SPSB1: variants seen among roughly 807,000 people sequenced by gnomAD.
SPSB1 encodes the protein splA/ryanodine receptor domain and SOCS box containing 1, also known as SPRY domain-containing SOCS box protein 1.
SPSB1 carries 8 observed loss-of-function variants against 21.2 expected under a neutral mutation model. That is an observed-to-expected ratio of 0.38 (90% confidence interval 0.22 to 0.68). SPSB1 has a LOEUF of 0.68. Among genes scored for constraint, SPSB1 ranks in the 30% least tolerant of loss-of-function variants. SPSB1 has a pLI of 0.53. For synonymous variants in SPSB1, 169 were observed against 161.7 expected (o/e 1.05, Z -0.34); for missense variants, 242 against 377.8 (o/e 0.64, Z 2.98).
chr1:9,352,997 T>C (rs1472772200), intron 1 of SPSB1, among the ~76,000 whole-genome samples: 2 of 152,022 alleles, frequency 1.3e-5, no homozygotes, highest in Non-Finnish European at 2.9e-5. Flanking sequence ...AAGCGTGACA[T>C]GAACTAACTC....
chr1:9,309,928 C>T (rs1489877126), intron 1 of SPSB1, among the ~76,000 whole-genome samples: 2 of 152,130 alleles, frequency 1.3e-5, no homozygotes, highest in Non-Finnish European at 2.9e-5. Context: ...ATTCAACTTC[C>T]TGGTCATTTT....
At chr1:9,311,766 T>C (rs925745153) in intron 1 of SPSB1, among the ~76,000 whole-genome samples, 4 of 151,920 alleles carry the variant, frequency 2.6e-5, no homozygotes, top group Non-Finnish European at 5.9e-5. Flanking sequence ...ATCTACCACG[T>C]TTTGTGTGTT....
intron 1 of SPSB1, among the ~76,000 whole-genome samples, chr1:9,330,557 TG>T (rs34817952): frequency 0.87 from 132,490 of 151,970 alleles, 57,900 homozygotes; most frequent in African/African-American, 0.91. Flanking sequence ...TCCTGCCAGC[TG>T]GACCTTGTGA....
At chr1:9,338,090 C>T (rs1461459549) in intron 1 of SPSB1, among the ~76,000 whole-genome samples, 4 of 152,186 alleles carry the variant, frequency 2.6e-5, no homozygotes, top group Admixed American at 1.3e-4. Flanking sequence ...ACATTGAGTG[C>T]TCAGATGGGG....
Position 9,367,842 on chromosome 1 carries a change from G to C in SPSB1, c.*267G>C. ...ACCCCTCTTTGAAAAAAGACACAGAGAATAAACTCCTACGAAAGCCCTACA... is the reference window on the plus strand; with the variant it reads ...ACCCCTCTTTGAAAAAAGACACAGACAATAAACTCCTACGAAAGCCCTACA... On this transcript the variant is annotated 3_prime_UTR_variant, in exon 3 of 3. Transcript: ENST00000328089. This position sits in a 1 kb window ranked among gnomAD's most constrained non-coding sequence, Gnocchi z 5.9. The C allele has an allele frequency of 2.0e-6, 1 of 506,510 alleles. No homozygotes were observed. Among genetic ancestry groups the C allele is most frequent in the Non-Finnish European group, 3.5e-6 (1 of 286,526 alleles). The allele number at this position is 506,510 out of a possible 1,614,324, so 31.4% of individuals were successfully genotyped here.
rs1484357779 is a variant in SPSB1 at position 9,293,259 on chromosome 1, G to A, written c.-150+188G>A. On this transcript the variant is annotated intron_variant, in intron 1 of 2. Coordinates refer to ENST00000328089, the MANE Select transcript of SPSB1 (RefSeq NM_025106.4). The surrounding 1 kb of genome is among the most constrained non-coding windows in gnomAD (Gnocchi z 5.1). ...GACTCGGGGCGCGGCCCCTCCCGCGGTGGCTCCGGGGGCGCCTCCCTCGCC... is the reference window on the plus strand; with the variant it reads ...GACTCGGGGCGCGGCCCCTCCCGCGATGGCTCCGGGGGCGCCTCCCTCGCC... Among the ~76,000 whole-genome samples, 2 of 149,020 alleles carry A rather than the reference G, an allele frequency of 1.3e-5. No homozygotes were observed. The highest frequency in any genetic ancestry group is 1.5e-5 in the Non-Finnish European group (1 of 66,788).
chr1:9,331,355 A>C (rs1203570949), intron 1 of SPSB1, among the ~76,000 whole-genome samples: 1 of 67,386 alleles, frequency 1.5e-5, no homozygotes, highest in Non-Finnish European at 2.6e-5. Flanking sequence ...TTTGAGGTGG[A>C]GTTTCACTCT....
intron 1 of SPSB1, among the ~76,000 whole-genome samples, chr1:9,308,146 A>G (rs1374726013): frequency 6.6e-6 from 1 of 152,192 alleles, no homozygotes; most frequent in East Asian, 1.9e-4. Flanking sequence ...GTTTTCCAAG[A>G]CATGTCAGGC....
chr1:9,343,094 CACATA>C (rs1439850861), intron 1 of SPSB1, among the ~76,000 whole-genome samples: 6 of 152,144 alleles, frequency 3.9e-5, no homozygotes, highest in African/African-American at 1.4e-4. Context: ...AGGTGAAATT[CACATA>C]ACATTCACCT....
chr1:9,362,816 C>A (rs552230), intron 2 of SPSB1, among the ~76,000 whole-genome samples: 45,254 of 152,144 alleles, frequency 0.3, 7,043 homozygotes, highest in Middle Eastern at 0.41. Context: ...GCTTCTGCTC[C>A]CAGAAATAGC....
chr1:9,342,317 G>A (rs186766763), intron 1 of SPSB1, among the ~76,000 whole-genome samples: 7 of 152,314 alleles, frequency 4.6e-5, no homozygotes, highest in Non-Finnish European at 7.3e-5. Context: ...CATGAGAAGA[G>A]GTTTGCGTAG....
intron 1 of SPSB1, among the ~76,000 whole-genome samples, chr1:9,325,049 C>T (rs943750711): frequency 2.6e-5 from 4 of 152,186 alleles, no homozygotes; most frequent in African/African-American, 4.8e-5. Flanking sequence ...AATGGGCAGC[C>T]GGTGTGGATG....
chr1:9,307,586 C>T lies in SPSB1; in HGVS notation c.-150+14515C>T, dbSNP rs551770668. On this transcript the variant is annotated intron_variant, in intron 1 of 2. Coordinates refer to ENST00000328089, the MANE Select transcript of SPSB1 (RefSeq NM_025106.4). ...GGAAGCTGGATTTCCCGTCCTGGCT[C>T]AGTTGTAGAGGCCACGTGAAGGTGG... is the stretch of plus-strand genomic sequence containing the variant. 4.3e-4 allele frequency among the ~76,000 whole-genome samples: 66 copies of T among 152,310 alleles called. 2 individuals carry two copies. The highest frequency in any genetic ancestry group is 7.6e-4 in the Non-Finnish European group (52 of 68,036).
intron 1 of SPSB1, among the ~76,000 whole-genome samples, chr1:9,314,895 C>T (rs142600576): frequency 2.8e-4 from 42 of 152,262 alleles, no homozygotes; most frequent in East Asian, 1.9e-4. Context: ...GAGAGGACTG[C>T]GGCAAAGGAG....
chr1:9,309,867 A>G (rs1010969962), intron 1 of SPSB1, among the ~76,000 whole-genome samples: 1 of 152,150 alleles, frequency 6.6e-6, no homozygotes, highest in African/African-American at 2.4e-5. Flanking sequence ...AGTAGAGTAG[A>G]ATAAAATAGT....
At chr1:9,347,983 C>T (rs906699509) in intron 1 of SPSB1, among the ~76,000 whole-genome samples, 4 of 147,998 alleles carry the variant, frequency 2.7e-5, no homozygotes, top group Non-Finnish European at 5.9e-5. Context: ...CTCGCTCTGA[C>T]GCCCAGGTTC....
intron 1 of SPSB1, among the ~76,000 whole-genome samples, chr1:9,354,262 TC>T (rs1300800440): frequency 6.6e-6 from 1 of 152,106 alleles, no homozygotes; most frequent in Non-Finnish European, 1.5e-5. Flanking sequence ...TCTCCTTTAC[TC>T]GGGCACCCTA....
chr1:9,295,225 T>A (rs868770551), intron 1 of SPSB1, among the ~76,000 whole-genome samples: 2,310 of 150,230 alleles, frequency 0.015, 56 homozygotes, highest in African/African-American at 0.051. Flanking sequence ...TGAGTGTGTG[T>A]GTGTGTGTGT....
chr1:9,323,832 G>A (rs894117094), intron 1 of SPSB1, among the ~76,000 whole-genome samples: 2 of 152,140 alleles, frequency 1.3e-5, no homozygotes, highest in Admixed American at 6.5e-5. Flanking sequence ...TGTTGCCCAC[G>A]GACGGCAGGG....
Sources: gnomAD v4.1 joint callset for allele counts (sites outside exome capture counted in the v4.1 genomes callset) on GRCh38, gnomAD v4.1.1 for gene constraint, Gnocchi (gnomAD v3.1) non-coding constraint, MANE v1.5 for transcripts, NCBI Gene and HGNC (gene_info 2026-07-23, HGNC 2026-07-21) for gene names.